The following ZNF37A variants were observed in gnomAD, a reference collection of about 807,000 sequenced individuals.
The protein encoded by ZNF37A is zinc finger protein 37a (KOX 21).
In ZNF37A, 10 loss-of-function variants were observed where a neutral mutation model predicts 12.3. The ratio of observed to expected loss-of-function variants is 0.82; its 90% confidence interval spans 0.50 to 1.38. The LOEUF is 1.38. ZNF37A is among the 40% of genes most tolerant of loss of function. ZNF37A has a pLI of 0.00. For missense variants in ZNF37A, 580 were observed against 651.2 expected (o/e 0.89, Z 1.19); for synonymous variants, 207 against 223.0 (o/e 0.93, Z 0.64).
chr10:38,136,444 A>C lies in ZNF37A; in HGVS notation c.239-10288A>C, dbSNP rs71491243. On this transcript the variant is annotated intron_variant, in intron 7 of 7. Coordinates refer to the ZNF37A transcript ENST00000638053. ...GCTGGGATTACAGGTGTGAGCCACC[A>C]TACCCAGCCTCAAAGCATTTTAAAT... is the stretch of plus-strand genomic sequence containing the variant. Among the ~76,000 whole-genome samples, 266 of 152,300 alleles carry C rather than the reference A, an allele frequency of 1.7e-3. 1 individual carries two copies. Among genetic ancestry groups the C allele is most frequent in the Non-Finnish European group, 2.8e-3 (193 of 68,028 alleles).
chr10:38,125,358 G>A (rs1284644719), downstream of ZNF37A: 1 of 152,122 alleles, frequency 6.6e-6, no homozygotes, highest in Admixed American at 6.5e-5. Context: ...TGAAAGAATG[G>A]TGTGGAAAGT....
chr10:38,134,700 C>T lies in ZNF37A; in HGVS notation c.239-12032C>T, dbSNP rs544481282. 4.7e-4 allele frequency among the ~76,000 whole-genome samples: 72 copies of T among 152,280 alleles called. 2 individuals are homozygous for T. The South Asian group carries it at 0.015, about 31-fold the overall frequency. ...CTGGCCGTATGAGGTGTCAGTCGGC[C>T]CCTACTGGGAGGTGCCTCCCAGTTA... On this transcript the variant is annotated intron_variant, in intron 7 of 7. Coordinates refer to the ZNF37A transcript ENST00000638053.
chr10:38,096,747 C>T, intron 5 of ZNF37A, 115 bp downstream of exon 5: 3 of 999,888 alleles, frequency 3.0e-6, no homozygotes, highest in Non-Finnish European at 4.5e-6. Context: ...GAGGAGAGGT[C>T]ACATTACATT....
chr10:38,113,810 G>A (rs2069024225), intron 5 of ZNF37A, among the ~76,000 whole-genome samples: 2 of 152,296 alleles, frequency 1.3e-5, no homozygotes, highest in Non-Finnish European at 1.5e-5. Flanking sequence ...AGATTCAGGT[G>A]TGTATTTCCA....
chr10:38,140,880 T>A (rs1242672137), intron 7 of ZNF37A: 3 of 152,152 alleles, frequency 2.0e-5, no homozygotes, highest in African/African-American at 4.8e-5. Context: ...AAGTAAAATA[T>A]AAAGAGACGT....
chr10:38,137,276 C>T (rs2070119562), intron 7 of ZNF37A: 1 of 152,178 alleles, frequency 6.6e-6, no homozygotes, highest in Admixed American at 6.5e-5. Flanking sequence ...CCCTCTTCCT[C>T]CAGGGCTTGT....
At chr10:38,144,629 G>A (rs2070228881) in intron 7 of ZNF37A, among the ~76,000 whole-genome samples, 2 of 152,174 alleles carry the variant, frequency 1.3e-5, no homozygotes, top group Admixed American at 1.3e-4. Flanking sequence ...GTCCAGTGGA[G>A]CCCACGTGGG....
rs1269303897 is a variant in ZNF37A, at chr10:38,120,183, C to A, written c.*1346C>A. The A allele has an allele frequency of 6.6e-6, 1 of 152,164 alleles. No individual in the cohort carries two copies. The highest frequency in any genetic ancestry group is 1.5e-5 in the Non-Finnish European group (1 of 68,064). 9.4% of individuals were successfully genotyped at this position (152,164 alleles called of 1,614,324 possible). A position where few individuals can be genotyped will look rare whatever the true frequency, so the allele number is the denominator to read the frequency against. On this transcript the variant is annotated 3_prime_UTR_variant, in exon 8 of 8. Transcript: ENST00000685332. Reference sequence around the variant, plus strand: ...GTGGCTCATGCCTGTAATCCCAGTACTTTGGGAGGCTGAGGTGGGCAAATC... The same window carrying A: ...GTGGCTCATGCCTGTAATCCCAGTAATTTGGGAGGCTGAGGTGGGCAAATC...
At chr10:38,097,077 A>G (rs980345547) in intron 5 of ZNF37A, among the ~76,000 whole-genome samples, 4 of 152,202 alleles carry the variant, frequency 2.6e-5, no homozygotes, top group Admixed American at 2.0e-4. Flanking sequence ...TAAAACAAAA[A>G]TGTCATGTAA....
downstream of ZNF37A, among the ~76,000 whole-genome samples, chr10:38,128,792 C>T (rs574030787): frequency 2.6e-5 from 4 of 152,226 alleles, no homozygotes; most frequent in South Asian, 2.1e-4. Context: ...CTAGCTTTAT[C>T]GCCCAGGCTG....
rs1564369772 is a variant in ZNF37A at position 38,117,536 on chromosome 10, C to T, written c.385C>T (p.Leu129=). 1 of 1,613,552 alleles carries T rather than the reference C, an allele frequency of 6.2e-7. No individual in the cohort carries two copies. Among genetic ancestry groups the T allele is most frequent in the East Asian group, 2.2e-5 (1 of 44,842 alleles). Residue 129 remains leucine, a synonymous_variant, in exon 8 of 8, where the codon CTG becomes TTG. Transcript: ENST00000685332. The stretch of plus-strand genomic sequence containing the variant: ...TAATAAAAATGGGAACAGCTTCTGG[C>T]TGAATGAAGACCTCATTTGGCATCA... The part of the protein sequence containing the change: ...EYNKNGNSFW[L]NEDLIWHQKI...
chr10:38,135,404 G>T (rs1255599392), intron 7 of ZNF37A, among the ~76,000 whole-genome samples: 1 of 152,050 alleles, frequency 6.6e-6, no homozygotes, highest in Non-Finnish European at 1.5e-5. Flanking sequence ...AAACAAAACT[G>T]TTTTTCTACA....
intron 5 of ZNF37A, among the ~76,000 whole-genome samples, chr10:38,097,976 T>C (rs373122355): frequency 4.6e-5 from 7 of 152,306 alleles, no homozygotes; most frequent in African/African-American, 1.4e-4. Flanking sequence ...TTGCTCCCTT[T>C]TTCCCCTCTG....
At chr10:38,100,066 A>G (rs2067437611) in intron 5 of ZNF37A, among the ~76,000 whole-genome samples, 1 of 152,186 alleles carries the variant, frequency 6.6e-6, no homozygotes, top group Non-Finnish European at 1.5e-5. Context: ...GAGACATCAC[A>G]TGTCGGTAGG....
chr10:38,116,178 T>A (rs763815701), intron 7 of ZNF37A, among the ~76,000 whole-genome samples: 4 of 152,220 alleles, frequency 2.6e-5, no homozygotes, highest in Non-Finnish European at 4.4e-5. Flanking sequence ...ATAATACTGA[T>A]AAACATTATT....
downstream of ZNF37A, among the ~76,000 whole-genome samples, chr10:38,129,319 A>AAAAAAAAAACAACAAC: frequency 2.5e-3 from 294 of 116,264 alleles, 8 homozygotes; most frequent in South Asian, 0.035. Flanking sequence ...AAAAAAAAAA[A>AAAAAAAAAACAACAAC]AAACTATTAT....
chr10:38,099,311 C>T (rs1248762726), intron 5 of ZNF37A, among the ~76,000 whole-genome samples: 1 of 152,162 alleles, frequency 6.6e-6, no homozygotes, highest in African/African-American at 2.4e-5. Context: ...CTGGCAACCA[C>T]CATCCTACTT....
chr10:38,131,977 A>G (rs1030198184), intron 7 of ZNF37A, among the ~76,000 whole-genome samples: 3 of 152,146 alleles, frequency 2.0e-5, no homozygotes, highest in African/African-American at 7.2e-5. Context: ...TCTTGTACCC[A>G]TAATCTTGCT....
chr10:38,101,453 T>G (rs903270449), intron 5 of ZNF37A, among the ~76,000 whole-genome samples: 1 of 152,130 alleles, frequency 6.6e-6, no homozygotes, highest in African/African-American at 2.4e-5. Context: ...TTGACAACTT[T>G]GTTGAAAATC....
Sources: gnomAD v4.1 joint callset for allele counts (sites outside exome capture counted in the v4.1 genomes callset) on GRCh38, gnomAD v4.1.1 for gene constraint, MANE v1.5 for transcripts, NCBI Gene and HGNC (gene_info 2026-07-23, HGNC 2026-07-21) for gene names.